Variants in HINT3 observed in about 807,000 individuals in gnomAD.
HINT3 encodes the protein histidine triad nucleotide binding protein 3, also known as adenosine 5'-monophosphoramidase HINT3.
In HINT3, 16 loss-of-function variants were observed where a neutral mutation model predicts 19.1. The ratio of observed to expected loss-of-function variants is 0.84; its 90% confidence interval spans 0.57 to 1.27. The LOEUF is 1.27. Among genes scored for constraint, HINT3 ranks in the 50% most tolerant of loss-of-function variants. The pLI is 0.00. For missense variants in HINT3, 197 were observed against 225.8 expected, an observed-to-expected ratio of 0.87 and a Z score of 0.82; for synonymous variants, 75 against 84.8, an observed-to-expected ratio of 0.88 and a Z score of 0.63.
At chr6:125,959,536 T>C (rs1788888418) in intron 1 of HINT3, among the ~76,000 whole-genome samples, 1 of 152,154 alleles carries the variant, frequency 6.6e-6, no homozygotes, top group African/African-American at 2.4e-5. Context: ...TTCATTGACC[T>C]TGAGGAGAGC....
chr6:125,970,255 T>C (rs1238544286), intron 2 of HINT3, among the ~76,000 whole-genome samples: 1 of 152,190 alleles, frequency 6.6e-6, no homozygotes, highest in Non-Finnish European at 1.5e-5. Context: ...TGAGAACATA[T>C]ATGATTTATA....
Position 125,956,969 on chromosome 6 carries a change from G to T in HINT3, c.-9G>T, listed in dbSNP as rs1282022508. The T allele has an allele frequency of 6.5e-7, 1 of 1,549,312 alleles. No individual in the cohort carries two copies. Among genetic ancestry groups the T allele is most frequent in the South Asian group, 1.2e-5 (1 of 84,002 alleles). ...AGGCCGAGGCTCTAGGCCGCGAGGGGCGGGTGCAATGGCGGAGGAACAGGT... is the reference window on the plus strand; with the variant it reads ...AGGCCGAGGCTCTAGGCCGCGAGGGTCGGGTGCAATGGCGGAGGAACAGGT... On this transcript the variant is annotated 5_prime_UTR_variant, in exon 1 of 5. Transcript: ENST00000229633.
rs1417798679 is a variant in HINT3, at chr6:125,957,034, G to T, written c.57G>T (p.Ser19=). The change falls in exon 1 of 5, where the codon TCG becomes TCT. Residue 19 remains serine, a synonymous_variant. Coordinates refer to ENST00000229633, the MANE Select transcript of HINT3 (RefSeq NM_138571.5). ...SAGLAPDCEA[S]ATAETTVSSV... is the part of the protein sequence containing the mutation. Reference sequence around the variant, plus strand: ...GCCTGGCCCCCGACTGTGAGGCCTCGGCGACTGCAGAAACTACGGTTTCCT... The same window carrying T: ...GCCTGGCCCCCGACTGTGAGGCCTCTGCGACTGCAGAAACTACGGTTTCCT... 6.4e-7 allele frequency: 1 copy of T among 1,550,736 alleles called. No individual in the cohort carries two copies. Among genetic ancestry groups the T allele is most frequent in the Admixed American group, 2.0e-5 (1 of 51,014 alleles).
chr6:125,978,583 ATTGG>A lies in HINT3; in HGVS notation c.*910_*913del, dbSNP rs1208094159. 6.6e-6 allele frequency: 1 copy of A among 152,192 alleles called. No homozygotes were observed. The highest frequency in any genetic ancestry group is 1.5e-5 in the Non-Finnish European group (1 of 68,016). 9.4% of individuals were successfully genotyped at this position (152,192 alleles called of 1,614,324 possible). A position where few individuals can be genotyped will look rare whatever the true frequency, so the allele number is the denominator to read the frequency against. ...ATTTCATAGGTATATTTTGTTAGAAATTGGTTTTTTGGTGCTAATCTATAGGCAC... is the reference window on the plus strand; with the variant it reads ...ATTTCATAGGTATATTTTGTTAGAAATTTTTTGGTGCTAATCTATAGGCAC... On this transcript the variant is annotated 3_prime_UTR_variant, in exon 5 of 5. Transcript: ENST00000229633.
In HINT3 at chr6:125,967,520, C is replaced by T. The variant is rs894558067; in HGVS notation, c.319+516C>T. On this transcript the variant is annotated intron_variant, in intron 2 of 4. Coordinates refer to ENST00000229633, the MANE Select transcript of HINT3 (RefSeq NM_138571.5). ...CTAATTTTTGTATTTTTAGTAGAGACGGAGTTTCACCATGTTGGCCAGGCT... is the reference window on the plus strand; with the variant it reads ...CTAATTTTTGTATTTTTAGTAGAGATGGAGTTTCACCATGTTGGCCAGGCT... 1.1e-4 allele frequency among the ~76,000 whole-genome samples: 17 copies of T among 151,764 alleles called. No individual in the cohort carries two copies. The East Asian group carries it at 1.2e-3, about 10-fold the overall frequency.
chr6:125,972,076 C>T (rs1789109423), intron 2 of HINT3, among the ~76,000 whole-genome samples, 183 bp from the exon 3 acceptor site: 1 of 152,080 alleles, frequency 6.6e-6, no homozygotes, highest in Non-Finnish European at 1.5e-5. Flanking sequence ...AGGCTGGTCT[C>T]AAACTCCTAG....
At chr6:125,962,399 T>A (rs558296568) in intron 1 of HINT3, among the ~76,000 whole-genome samples, 1 of 150,316 alleles carries the variant, frequency 6.7e-6, no homozygotes, top group South Asian at 2.1e-4. Flanking sequence ...TCCCAAAGGT[T>A]GTGTATCTTT....
intron 3 of HINT3, among the ~76,000 whole-genome samples, chr6:125,973,523 T>C (rs994992044): frequency 6.6e-6 from 1 of 152,184 alleles, no homozygotes; most frequent in African/African-American, 2.4e-5. Flanking sequence ...TCTAATGCCA[T>C]CCATGCTACT....
intron 1 of HINT3, among the ~76,000 whole-genome samples, chr6:125,961,669 CATG>C: frequency 6.6e-6 from 1 of 152,294 alleles, no homozygotes; most frequent in Admixed American, 6.5e-5. Flanking sequence ...GCAGAGCTTC[CATG>C]TCCTCCTCAG....
At chr6:125,971,523 C>G (rs1367156434) in intron 2 of HINT3, among the ~76,000 whole-genome samples, 1 of 151,864 alleles carries the variant, frequency 6.6e-6, no homozygotes, top group African/African-American at 2.4e-5. Flanking sequence ...TACTGAATGT[C>G]TTTATTTTTT....
intron 1 of HINT3, among the ~76,000 whole-genome samples, chr6:125,962,644 C>G (rs1046843236): frequency 3.9e-5 from 6 of 152,148 alleles, no homozygotes; most frequent in African/African-American, 1.4e-4. Context: ...TTACCAGCAT[C>G]ATGAGGGGTT....
chr6:125,967,922 T>C (rs1277313583), intron 2 of HINT3, among the ~76,000 whole-genome samples: 1 of 152,238 alleles, frequency 6.6e-6, no homozygotes, highest in Non-Finnish European at 1.5e-5. Context: ...TCACCTATCA[T>C]TTTCTAAGAC....
At position 125,960,665 on chromosome 6, in the gene HINT3, G is replaced by A. The variant is rs1425739484; in HGVS notation, c.201+3487G>A. Among the ~76,000 whole-genome samples, 22 of 112,104 alleles carry A rather than the reference G, an allele frequency of 2.0e-4. 1 individual carries two copies. The highest frequency in any genetic ancestry group is 4.7e-4 in the Admixed American group (4 of 8,496). 73.5% of individuals were successfully genotyped at this position (112,104 alleles called of 152,430 possible). On this transcript the variant is annotated intron_variant, in intron 1 of 4. Transcript: ENST00000229633. ...GAGCAAGACTCTCTCTGGGGGGGGG[G>A]AAAAAAAAAGAAGTTAGGGCAAGCA...
At chr6:125,961,506 T>C (rs1788926148) in intron 1 of HINT3, among the ~76,000 whole-genome samples, 1 of 152,286 alleles carries the variant, frequency 6.6e-6, no homozygotes, top group East Asian at 1.9e-4. Context: ...CAGCTTGAAG[T>C]TGGGGATCCC....
chr6:125,957,150 A>AC lies in HINT3; in HGVS notation c.176dup (p.Thr61HisfsTer9). The AC allele has an allele frequency of 6.5e-7, 1 of 1,549,746 alleles. No homozygotes were observed. The highest frequency in any genetic ancestry group is 1.2e-5 in the South Asian group (1 of 84,038). On this transcript the variant is annotated frameshift_variant, in exon 1 of 5. Transcript: ENST00000229633. LOFTEE classifies it high-confidence loss of function. ...TTCTGCCGGATCGCGGGGCGGCAGG[A>AC]CCCGGGCACCGAACTCCTGCACTGC...
chr6:125,978,964 AG>A lies in HINT3; in HGVS notation c.*1292del, dbSNP rs1789212314. On this transcript the variant is annotated 3_prime_UTR_variant, in exon 5 of 5. Coordinates refer to ENST00000229633, the MANE Select transcript of HINT3 (RefSeq NM_138571.5). The stretch of plus-strand genomic sequence containing the variant: ...ACATTCAGACTGCAATTGCTAGTAC[AG>A]GGGTCAAACAAAATCAGTGATTAGA... The A allele has an allele frequency of 6.6e-6, 1 of 152,196 alleles. No individual in the cohort carries two copies. The highest frequency in any genetic ancestry group is 2.4e-5 in the African/African-American group (1 of 41,446). The allele number at this position is 152,196 out of a possible 1,614,324, so 9.4% of individuals were successfully genotyped here.
chr6:125,959,868 T>C (rs1788892562), intron 1 of HINT3, among the ~76,000 whole-genome samples: 1 of 152,180 alleles, frequency 6.6e-6, no homozygotes. Flanking sequence ...GTTGGAGGCA[T>C]GGGGATACAG....
chr6:125,963,480 TATTTGGGTTTTCAG>T lies in HINT3; in HGVS notation c.202-3402_202-3389del, dbSNP rs533371413. ...ATGGAGGTTGAGTGCCAGTCTGCCC[TATTTGGGTTTTCAG>T]ATTTAAAGAAATCTGAAACAGTTAT... On this transcript the variant is annotated intron_variant, in intron 1 of 4. Coordinates refer to ENST00000229633, the MANE Select transcript of HINT3 (RefSeq NM_138571.5). Among the ~76,000 whole-genome samples, 55 of 152,302 alleles carry T rather than the reference TATTTGGGTTTTCAG, an allele frequency of 3.6e-4. 1 individual carries two copies. The South Asian group carries it at 0.011, about 31-fold the overall frequency.
chr6:125,959,799 T>G (rs1348725942), intron 1 of HINT3, among the ~76,000 whole-genome samples: 2 of 151,874 alleles, frequency 1.3e-5, no homozygotes, highest in Non-Finnish European at 2.9e-5. Flanking sequence ...GCCCGGCGGG[T>G]AGAATGTTGA....
Sources: gnomAD v4.1 joint callset for allele counts (sites outside exome capture counted in the v4.1 genomes callset) on GRCh38, gnomAD v4.1.1 for gene constraint, MANE v1.5 for transcripts, NCBI Gene and HGNC (gene_info 2026-07-23, HGNC 2026-07-21) for gene names.